The following KLF13 variants were observed in gnomAD, a reference collection of about 807,000 sequenced individuals.
KLF13 encodes KLF transcription factor 13.
In KLF13, 8 loss-of-function variants were observed where a neutral mutation model predicts 16.7. The ratio of observed to expected loss-of-function variants is 0.48; its 90% CI spans 0.28 to 0.87. The LOEUF (loss-of-function observed/expected upper bound fraction) is 0.87. Among genes scored for constraint, KLF13 ranks in the 40% least tolerant of loss-of-function variants. KLF13 has a pLI of 0.10. For missense variants in KLF13, 447 were observed against 452.2 expected, an observed-to-expected ratio of 0.99 and a Z score of 0.10; for synonymous variants, 245 against 208.4, an observed-to-expected ratio of 1.18 and a Z score of -1.51.
chr15:31,393,548 C>G (rs2140985260), intron 1 of KLF13: 2 of 152,378 alleles, frequency 1.3e-5, no homozygotes, highest in East Asian at 1.9e-4. Flanking sequence ...CACTACTCGT[C>G]TAGTACTCCC....
chr15:31,368,638 G>C (rs983685012), intron 1 of KLF13, among the ~76,000 whole-genome samples: 2 of 152,172 alleles, frequency 1.3e-5, no homozygotes, highest in African/African-American at 4.8e-5. Context: ...CAGATCACTT[G>C]AGGTCAGGAG....
intron 1 of KLF13, among the ~76,000 whole-genome samples, chr15:31,387,515 C>G (rs2039808018): frequency 6.6e-6 from 1 of 152,186 alleles, no homozygotes; most frequent in South Asian, 2.1e-4. Context: ...TTTATATGCA[C>G]TGGGAAACCA....
chr15:31,386,724 G>C (rs899289384), intron 1 of KLF13, among the ~76,000 whole-genome samples: 30 of 152,318 alleles, frequency 2.0e-4, no homozygotes, highest in African/African-American at 7.2e-4. Flanking sequence ...TAAGTCAATG[G>C]CTGGCTTTAA....
chr15:31,362,117 T>C (rs1045665971), intron 1 of KLF13, among the ~76,000 whole-genome samples: 4 of 152,186 alleles, frequency 2.6e-5, no homozygotes, highest in Non-Finnish European at 5.9e-5. Context: ...AGTGGTCTTA[T>C]GGCAGGAGTG....
intron 1 of KLF13, among the ~76,000 whole-genome samples, chr15:31,351,330 A>C (rs564828112): frequency 1.3e-5 from 2 of 152,348 alleles, no homozygotes; most frequent in East Asian, 3.9e-4. Flanking sequence ...GAAAATCAAT[A>C]ACTTTAATCC....
chr15:31,381,003 C>G (rs548987835), downstream of KLF13, among the ~76,000 whole-genome samples: 1 of 152,218 alleles, frequency 6.6e-6, no homozygotes, highest in South Asian at 2.1e-4. Context: ...GAAACCCCAT[C>G]CCCACTAAAA....
Position 31,376,398 on chromosome 15 carries a change from T to G in KLF13, c.*4099T>G, listed in dbSNP as rs2039646713. The G allele has an allele frequency of 6.6e-6, 1 of 152,300 alleles. No individual in the cohort carries two copies. Among genetic ancestry groups the G allele is most frequent in the Non-Finnish European group, 1.5e-5 (1 of 68,042 alleles). The allele number at this position is 152,300 out of a possible 1,614,324, so 9.4% of individuals were successfully genotyped here. ...GACACAGTGCTAGAGGTTTAAAGGGTGTAATGTGTTGGTCACATCACAACC... is the reference window on the plus strand; with the variant it reads ...GACACAGTGCTAGAGGTTTAAAGGGGGTAATGTGTTGGTCACATCACAACC... On this transcript the variant is annotated 3_prime_UTR_variant, in exon 2 of 2. Coordinates refer to ENST00000307145, the MANE Select transcript of KLF13 (RefSeq NM_015995.4).
chr15:31,377,656 C>G lies in KLF13; in HGVS notation c.*5357C>G, dbSNP rs1041962811. 1.3e-5 allele frequency: 2 copies of G among 152,544 alleles called. No individual in the cohort carries two copies. The highest frequency in any genetic ancestry group is 4.8e-5 in the African/African-American group (2 of 41,418). The allele number at this position is 152,544 out of a possible 1,614,324, so 9.4% of individuals were successfully genotyped here. On this transcript the variant is annotated 3_prime_UTR_variant, in exon 2 of 2. Transcript: ENST00000307145. ...TTTTAACCAGCACCCACCATAATTC[C>G]GAAGGCCACGTTTCATCTTTCCTGG...
At chr15:31,411,515 C>T (rs1263698253) in intron 1 of KLF13, among the ~76,000 whole-genome samples, 1 of 151,644 alleles carries the variant, frequency 6.6e-6, no homozygotes, top group Non-Finnish European at 1.5e-5. Flanking sequence ...CCTGCCTCAG[C>T]CTCCTGAGTA....
intron 1 of KLF13, among the ~76,000 whole-genome samples, chr15:31,368,636 T>C (rs1183102959): frequency 6.6e-6 from 1 of 152,122 alleles, no homozygotes; most frequent in African/African-American, 2.4e-5. Context: ...GACAGATCAC[T>C]TGAGGTCAGG....
At chr15:31,415,570 T>C (rs74243741) in intron 1 of KLF13, among the ~76,000 whole-genome samples, 5 of 151,934 alleles carry the variant, frequency 3.3e-5, no homozygotes, top group African/African-American at 9.7e-5. Context: ...AAAAGGGAAG[T>C]CAGAAAATAG....
intron 1 of KLF13, among the ~76,000 whole-genome samples, chr15:31,343,194 CT>C (rs1348599539): frequency 1.3e-5 from 2 of 152,238 alleles, no homozygotes; most frequent in Non-Finnish European, 2.9e-5. Flanking sequence ...GAGCTGGGGA[CT>C]GTCTTGCACC....
intron 1 of KLF13, among the ~76,000 whole-genome samples, chr15:31,331,247 G>A (rs1305987158): frequency 1.3e-5 from 2 of 152,220 alleles, no homozygotes; most frequent in African/African-American, 4.8e-5. Context: ...TGGGCACAGT[G>A]GCGTGCCCAG....
Position 31,327,294 on chromosome 15 carries a change from CGGGAGGGGCCGG to C in KLF13, c.83_94del (p.Arg28_Glu32delinsGln), listed in dbSNP as rs1245645106. On this transcript the variant is annotated inframe_deletion, in exon 1 of 2. Coordinates refer to ENST00000307145, the MANE Select transcript of KLF13 (RefSeq NM_015995.4). ...GAGCCGCGCGGTCGTGCACGGGCCGCGGGAGGGGCCGGAGTCCCGGCCCGAGGGCGCGGCCGT... is the reference window on the plus strand; with the variant it reads ...GAGCCGCGCGGTCGTGCACGGGCCGCAGTCCCGGCCCGAGGGCGCGGCCGT... 1 of 1,308,922 alleles carries C rather than the reference CGGGAGGGGCCGG, an allele frequency of 7.6e-7. No homozygotes were observed. Among genetic ancestry groups the C allele is most frequent in the Non-Finnish European group, 9.7e-7 (1 of 1,032,060 alleles). The allele number at this position is 1,308,922 out of a possible 1,614,324, so 81.1% of individuals were successfully genotyped here. A position where few individuals can be genotyped will look rare whatever the true frequency, so the allele number is the denominator to read the frequency against.
At chr15:31,411,170 T>C (rs1349262158) in intron 1 of KLF13, among the ~76,000 whole-genome samples, 1 of 152,204 alleles carries the variant, frequency 6.6e-6, no homozygotes, top group Non-Finnish European at 1.5e-5. Context: ...TCCAATGAGA[T>C]GAAGAAAACT....
At chr15:31,386,538 C>T (rs562142086) in intron 1 of KLF13, among the ~76,000 whole-genome samples, 1 of 152,288 alleles carries the variant, frequency 6.6e-6, no homozygotes, top group South Asian at 2.1e-4. Flanking sequence ...GGCATCTCCA[C>T]AACATAAAAG....
At chr15:31,379,082 T>C (rs938212487), downstream of KLF13, among the ~76,000 whole-genome samples, 3 of 152,168 alleles carry the variant, frequency 2.0e-5, no homozygotes, top group Non-Finnish European at 2.9e-5. Context: ...TACTAACAAA[T>C]ACAGGCATCG....
chr15:31,417,758 C>T (rs1049584607), intron 1 of KLF13, among the ~76,000 whole-genome samples: 7 of 151,968 alleles, frequency 4.6e-5, no homozygotes, highest in African/African-American at 1.7e-4. Context: ...TATGGTCCGG[C>T]TGGTCTGGAA....
At chr15:31,435,124 C>T (rs1391566602) in intron 1 of KLF13, among the ~76,000 whole-genome samples, 4 of 152,098 alleles carry the variant, frequency 2.6e-5, no homozygotes, top group African/African-American at 4.8e-5. Context: ...TGTGTTTTTA[C>T]TTCTTTTAAG....
Sources: allele counts gnomAD v4.1 joint callset (sites outside exome capture counted in the v4.1 genomes callset), GRCh38; gene constraint gnomAD v4.1.1; transcripts MANE v1.5; gene names NCBI Gene and HGNC (gene_info 2026-07-23, HGNC 2026-07-21).